The following PDE8B variants were observed in gnomAD, a reference collection of about 807,000 sequenced individuals.
The protein encoded by PDE8B is high affinity cAMP-specific and IBMX-insensitive 3',5'-cyclic phosphodiesterase 8B.
A neutral mutation model predicts 101.3 loss-of-function variants in PDE8B; 26 were observed. The observed-to-expected ratio is 0.26, with a 90% confidence interval of 0.19 to 0.36. The LOEUF (loss-of-function observed/expected upper bound fraction) is 0.36, where lower values mean the gene tolerates loss of function less well. PDE8B is among the 10% of genes least tolerant of loss of function. The pLI, the probability that PDE8B is intolerant of heterozygous loss-of-function variation, is 1.00. For missense variants in PDE8B, 810 were observed against 1,163.1 expected (o/e 0.70, Z 4.42); for synonymous variants, 424 against 429.3 (o/e 0.99, Z 0.15).
chr5:77,343,091 C>T (rs1055486458), intron 6 of PDE8B, among the ~76,000 whole-genome samples: 1 of 152,210 alleles, frequency 6.6e-6, no homozygotes, highest in African/African-American at 2.4e-5. Flanking sequence ...CCATGATCCA[C>T]GAAGATTTCA....
chr5:77,114,232 T>C, the PDE8B span: 1 of 152,218 alleles, frequency 6.6e-6, no homozygotes, highest in Non-Finnish European at 1.5e-5. Context: ...TGTGGCACTA[T>C]TCACAATAGC....
chr5:77,257,962 A>T (rs1759544525), intron 1 of PDE8B, among the ~76,000 whole-genome samples: 1 of 152,140 alleles, frequency 6.6e-6, no homozygotes, highest in African/African-American at 2.4e-5. Flanking sequence ...AAGTGCAAGG[A>T]TCCTGAGGTC....
chr5:77,425,620 G>GT, intron 20 of PDE8B, 147 bp from the exon 21 acceptor site: 1 of 780,540 alleles, frequency 1.3e-6, no homozygotes, highest in Non-Finnish European at 2.2e-6. Flanking sequence ...GCTGACTTAC[G>GT]TAAGTCTGAG....
chr5:77,138,745 C>T, the PDE8B span, among the ~76,000 whole-genome samples: 7 of 152,148 alleles, frequency 4.6e-5, no homozygotes, highest in Non-Finnish European at 1.0e-4. Flanking sequence ...AATCCAGACT[C>T]GCCTTTTCTA....
chr5:77,261,229 G>A (rs980298936), intron 1 of PDE8B, among the ~76,000 whole-genome samples: 2 of 152,138 alleles, frequency 1.3e-5, no homozygotes, highest in Non-Finnish European at 2.9e-5. Context: ...TTTTATTAAA[G>A]GAACTCACCA....
chr5:77,156,503 C>T, the PDE8B span, among the ~76,000 whole-genome samples: 1 of 152,166 alleles, frequency 6.6e-6, no homozygotes, highest in Non-Finnish European at 1.5e-5. Context: ...GATTAAGTGC[C>T]TATTACGTAC....
At chr5:77,304,001 G>A (rs539520710) in intron 1 of PDE8B, among the ~76,000 whole-genome samples, 18 of 152,236 alleles carry the variant, frequency 1.2e-4, no homozygotes, top group African/African-American at 4.3e-4. Flanking sequence ...AAACAATACT[G>A]CTCTGAATAT....
At chr5:77,414,862 A>C (rs1415800244) in intron 17 of PDE8B, among the ~76,000 whole-genome samples, 4 of 152,082 alleles carry the variant, frequency 2.6e-5, no homozygotes, top group Non-Finnish European at 5.9e-5. Flanking sequence ...TTAGAGGTGA[A>C]CCTCACTCAA....
At position 77,427,935 on chromosome 5, in the gene PDE8B, T is replaced by C. The variant is rs1798436074; in HGVS notation, c.*1381T>C. 6.6e-6 allele frequency: 1 copy of C among 152,220 alleles called. No homozygotes were observed. Among genetic ancestry groups the C allele is most frequent in the African/African-American group, 2.4e-5 (1 of 41,466 alleles). 9.4% of individuals were successfully genotyped at this position (152,220 alleles called of 1,614,324 possible). On this transcript the variant is annotated 3_prime_UTR_variant, in exon 22 of 22. Transcript: ENST00000264917. ...TACTTTTTTCCAATACAAATTGGAA[T>C]GCAGAATACTTGGAACTTGTACATG... is the stretch of plus-strand genomic sequence containing the variant.
Position 77,413,170 on chromosome 5 carries a change from A to G in PDE8B, c.1772A>G (p.Asn591Ser). The stretch of plus-strand genomic sequence containing the variant: ...CGGTTTGGAGTATGTGAATTTTTAA[A>G]CTGTTCTGAAACCACTCTTCGGGCC... ...FSRFGVCEFL[N>S]CSETTLRAWF... The change falls in exon 17 of 22, where the codon AAC becomes AGC. Residue 591 changes from asparagine (N) to serine (S), a missense_variant. By Grantham distance (46) the Asn-to-Ser change is conservative. Around this residue, in one of 4 missense-constraint regions of PDE8B, gnomAD observed 325 missense variants for 560.9 expected, o/e 0.58. Transcript: ENST00000264917. The G allele has an allele frequency of 2.5e-6, 4 of 1,614,042 alleles. No individual in the cohort carries two copies. The highest frequency in any genetic ancestry group is 3.4e-6 in the Non-Finnish European group (4 of 1,179,974).
At chr5:77,273,010 GAAGAC>G (rs1488922552) in intron 1 of PDE8B, among the ~76,000 whole-genome samples, 4 of 152,336 alleles carry the variant, frequency 2.6e-5, no homozygotes, top group African/African-American at 9.6e-5. Flanking sequence ...GGAGGAGAAA[GAAGAC>G]AAGACATGAA....
chr5:77,375,535 A>G (rs1394461074), intron 10 of PDE8B, among the ~76,000 whole-genome samples: 1 of 152,222 alleles, frequency 6.6e-6, no homozygotes, highest in African/African-American at 2.4e-5. Flanking sequence ...GTTTAAAGTG[A>G]GAATAGGTCC....
chr5:77,288,635 C>G (rs1380517748), intron 1 of PDE8B, among the ~76,000 whole-genome samples: 1 of 152,124 alleles, frequency 6.6e-6, no homozygotes, highest in Non-Finnish European at 1.5e-5. Flanking sequence ...CTTACAGCAG[C>G]CTGCATGCCC....
chr5:77,155,551 A>C, the PDE8B span, among the ~76,000 whole-genome samples: 2 of 152,242 alleles, frequency 1.3e-5, no homozygotes, highest in Non-Finnish European at 2.9e-5. Flanking sequence ...CCTTATGTGC[A>C]AAGAATAATA....
rs188480832 is a variant in PDE8B at position 77,238,937 on chromosome 5, A to C, written c.339+27673A>C. On this transcript the variant is annotated intron_variant, in intron 1 of 21. Coordinates refer to ENST00000264917, the MANE Select transcript of PDE8B (RefSeq NM_003719.5). The stretch of plus-strand genomic sequence containing the variant: ...TGTATGATGTCCACCCACTTGGTGA[A>C]GGTGAATGTCTTTACTCAGTCTACT... 2.0e-5 allele frequency among the ~76,000 whole-genome samples: 3 copies of C among 152,332 alleles called. No homozygotes were observed. In the East Asian group the frequency reaches 5.8e-4, roughly 29 times the overall value.
chr5:77,246,320 C>G (rs548433683), intron 1 of PDE8B, among the ~76,000 whole-genome samples: 1 of 152,254 alleles, frequency 6.6e-6, no homozygotes, highest in South Asian at 2.1e-4. Context: ...GAGGGCAGGT[C>G]CCAGGACAGT....
chr5:77,311,219 C>T (rs1772532268), intron 1 of PDE8B, among the ~76,000 whole-genome samples: 1 of 152,178 alleles, frequency 6.6e-6, no homozygotes, highest in African/African-American at 2.4e-5. Context: ...AGAATAGTCA[C>T]TTTTAGAAAT....
intron 10 of PDE8B, among the ~76,000 whole-genome samples, chr5:77,368,409 T>G (rs1784505458): frequency 1.3e-5 from 2 of 152,216 alleles, no homozygotes; most frequent in African/African-American, 4.8e-5. Context: ...AAGGCTCAGC[T>G]TCTTACACCC....
the PDE8B span, among the ~76,000 whole-genome samples, chr5:77,108,321 A>T: frequency 1.3e-5 from 2 of 152,182 alleles, no homozygotes; most frequent in Non-Finnish European, 2.9e-5. Context: ...GTTATTTATT[A>T]TTTAATTGTA....
Sources: gnomAD v4.1 joint callset for allele counts (sites outside exome capture counted in the v4.1 genomes callset) on GRCh38, gnomAD v4.1.1 for gene constraint, gnomAD v4.1.1 regional missense constraint, MANE v1.5 for transcripts, NCBI Gene and HGNC (gene_info 2026-07-23, HGNC 2026-07-21) for gene names.